Variants in CDIN1 observed in about 807,000 individuals in gnomAD.
CDIN1 encodes CDAN1 interacting nuclease 1, also known as CDAN1-interacting nuclease 1.
A neutral mutation model predicts 45.3 loss-of-function variants in CDIN1; 33 were observed. The observed-to-expected ratio is 0.73, with a 90% CI of 0.55 to 0.97. CDIN1 has a LOEUF of 0.97. CDIN1 is among the 50% of genes least tolerant of loss of function. The pLI, the probability that CDIN1 is intolerant of heterozygous loss-of-function variation, is 0.00. For missense variants in CDIN1, 303 were observed against 339.4 expected (o/e 0.89, Z 0.84); for synonymous variants, 118 against 124.4 (o/e 0.95, Z 0.34).
At chr15:36,699,890 T>C (rs1217132772) in intron 8 of CDIN1, among the ~76,000 whole-genome samples, 1 of 152,196 alleles carries the variant, frequency 6.6e-6, no homozygotes, top group Admixed American at 6.6e-5. Flanking sequence ...TCTTTTAAAC[T>C]TATCCAATTT....
In CDIN1 at chr15:36,579,799, G is replaced by C. The variant is rs1305744787; in HGVS notation, c.-62G>C. ...CCTACCCCTCATCCCTCGGCACCAA[G>C]GCTACTTGAGCCCCAGGGTGTTTTT... On this transcript the variant is annotated 5_prime_UTR_variant, in exon 1 of 11. Coordinates refer to ENST00000566621, the MANE Select transcript of CDIN1 (RefSeq NM_001321759.2). 1.4e-6 allele frequency: 2 copies of C among 1,390,380 alleles called. No individual in the cohort carries two copies. The highest frequency in any genetic ancestry group is 4.9e-5 in the East Asian group (2 of 40,918). The allele number at this position is 1,390,380 out of a possible 1,614,324, so 86.1% of individuals were successfully genotyped here.
chr15:36,613,721 GC>G, intron 1 of CDIN1: 2 of 1,554,650 alleles, frequency 1.3e-6, no homozygotes, highest in South Asian at 2.2e-5. Flanking sequence ...GGAAAAAGCT[GC>G]TGATGAGAGT....
chr15:36,690,658 A>G (rs1396919399), intron 5 of CDIN1, among the ~76,000 whole-genome samples: 5 of 152,220 alleles, frequency 3.3e-5, no homozygotes, highest in Admixed American at 2.6e-4. Flanking sequence ...ACCCGAAATT[A>G]TCTCAGAACT....
intron 8 of CDIN1, chr15:36,704,203 A>G (rs1468439310): frequency 6.6e-6 from 1 of 151,842 alleles, no homozygotes; most frequent in East Asian, 1.9e-4. Flanking sequence ...TTTTTTCTAT[A>G]AGGCACTTCA....
At chr15:36,730,222 C>T (rs1413530823) in intron 10 of CDIN1, among the ~76,000 whole-genome samples, 3 of 152,030 alleles carry the variant, frequency 2.0e-5, no homozygotes, top group Non-Finnish European at 4.4e-5. Flanking sequence ...ATTGTGAAGT[C>T]TTGATCTTCA....
At chr15:36,684,700 A>G (rs1270006707) in intron 5 of CDIN1, among the ~76,000 whole-genome samples, 5 of 152,098 alleles carry the variant, frequency 3.3e-5, no homozygotes, top group African/African-American at 1.2e-4. Context: ...CTGTGAATCC[A>G]TCTGGTCCTG....
chr15:36,692,756 G>C lies in CDIN1; in HGVS notation c.476+581G>C, dbSNP rs1180403516. On this transcript the variant is annotated intron_variant, in intron 7 of 10. Transcript: ENST00000566621. ...GAATACATTTAAGGTTGTGAAAACA[G>C]ATGTCCAGTCACTTTTCATTAAAGA... is the stretch of plus-strand genomic sequence containing the variant. 2.6e-5 allele frequency among the ~76,000 whole-genome samples: 4 copies of C among 152,232 alleles called. No homozygotes were observed. The East Asian group carries it at 7.7e-4, about 29-fold the overall frequency.
In CDIN1 at chr15:36,788,075, C is replaced by CATAT. The variant is rs201682731; in HGVS notation, c.717-20220_717-20217dup. ...AGAGCAATATGACGATAATTTTATACATATATATATATATATATATATATA... is the reference window on the plus strand; with the variant it reads ...AGAGCAATATGACGATAATTTTATACATATATATATATATATATATATATATATA... On this transcript the variant is annotated intron_variant, in intron 10 of 10. Coordinates refer to ENST00000566621, the MANE Select transcript of CDIN1 (RefSeq NM_001321759.2). Among the ~76,000 whole-genome samples the CATAT allele has an allele frequency of 9.4e-4, 53 of 56,162 alleles. 2 individuals carry two copies. Among genetic ancestry groups the CATAT allele is most frequent in the African/African-American group, 3.9e-3 (50 of 12,920 alleles). 36.8% of individuals were successfully genotyped at this position (56,162 alleles called of 152,430 possible).
At chr15:36,797,048 A>G (rs1235580964) in intron 10 of CDIN1, among the ~76,000 whole-genome samples, 1 of 152,226 alleles carries the variant, frequency 6.6e-6, no homozygotes. Context: ...AAATGGTGCA[A>G]AGATCATTTT....
chr15:36,603,888 T>A (rs147381917), intron 1 of CDIN1, among the ~76,000 whole-genome samples: 1 of 152,366 alleles, frequency 6.6e-6, no homozygotes, highest in East Asian at 1.9e-4. Flanking sequence ...TATTAATAGA[T>A]GCCTTGGTTT....
At chr15:36,623,115 G>A (rs955547764) in intron 1 of CDIN1, among the ~76,000 whole-genome samples, 2 of 151,976 alleles carry the variant, frequency 1.3e-5, no homozygotes, top group Non-Finnish European at 2.9e-5. Flanking sequence ...TGTGAATTTT[G>A]TATTTTTTGA....
chr15:36,660,196 G>A (rs117983460), intron 5 of CDIN1, among the ~76,000 whole-genome samples: 1 of 151,978 alleles, frequency 6.6e-6, no homozygotes, highest in Non-Finnish European at 1.5e-5. Context: ...TAGCTAACAG[G>A]TTTGTTCAGT....
chr15:36,710,390 A>G (rs563895902), intron 10 of CDIN1, among the ~76,000 whole-genome samples: 9 of 152,166 alleles, frequency 5.9e-5, no homozygotes, highest in Non-Finnish European at 1.2e-4. Flanking sequence ...TACACCTTCC[A>G]AGAATAGAGA....
chr15:36,607,895 G>C (rs1178761302), intron 1 of CDIN1, among the ~76,000 whole-genome samples: 2 of 152,056 alleles, frequency 1.3e-5, no homozygotes, highest in South Asian at 4.2e-4. Context: ...AGTCCTAGGC[G>C]ATCACTAATC....
At chr15:36,678,085 A>G (rs1473319754) in intron 5 of CDIN1, among the ~76,000 whole-genome samples, 2 of 152,222 alleles carry the variant, frequency 1.3e-5, no homozygotes. Flanking sequence ...GTTGGAGAGA[A>G]TAATTTAATT....
intron 3 of CDIN1, among the ~76,000 whole-genome samples, chr15:36,650,924 G>T (rs1248670399): frequency 6.6e-6 from 1 of 152,036 alleles, no homozygotes; most frequent in East Asian, 1.9e-4. Context: ...CTAGCCAGGT[G>T]TGGTGGCACG....
At chr15:36,709,783 A>C (rs960655452) in intron 9 of CDIN1, 73 bp from the exon 10 acceptor site, 1 of 1,096,762 alleles carries the variant, frequency 9.1e-7, no homozygotes, top group Admixed American at 1.7e-5. Context: ...AAGCATAGAG[A>C]GGCCTGTACA....
chr15:36,731,138 C>T (rs1287225972), intron 10 of CDIN1, among the ~76,000 whole-genome samples: 1 of 152,018 alleles, frequency 6.6e-6, no homozygotes, highest in Non-Finnish European at 1.5e-5. Context: ...AATGTTAGCA[C>T]TCTAATAGAA....
At chr15:36,613,522 G>A in intron 1 of CDIN1, 5 of 1,535,346 alleles carry the variant, frequency 3.3e-6, no homozygotes, top group Non-Finnish European at 3.6e-6. Flanking sequence ...TCCAGGTTGT[G>A]CAGCAGCAGG....
Sources: gnomAD v4.1 joint callset for allele counts (sites outside exome capture counted in the v4.1 genomes callset) on GRCh38, gnomAD v4.1.1 for gene constraint, MANE v1.5 for transcripts, NCBI Gene and HGNC (gene_info 2026-07-23, HGNC 2026-07-21) for gene names.